Variants in ATXN7L1 observed in about 807,000 individuals in gnomAD.
ATXN7L1 encodes the protein ataxin 7 like 1.
ATXN7L1 carries 15 observed loss-of-function variants against 70.8 expected under a neutral mutation model. The ratio of observed to expected loss-of-function variants is 0.21; its 90% CI spans 0.14 to 0.33. The LOEUF is 0.33. Among genes scored for constraint, ATXN7L1 ranks in the 10% least tolerant of loss-of-function variants. The pLI is 1.00. For missense variants in ATXN7L1, 975 were observed against 1,097.1 expected (o/e 0.89, Z 1.57); for synonymous variants, 440 against 445.1 (o/e 0.99, Z 0.14).
chr7:105,861,517 C>T (rs886217984), intron 2 of ATXN7L1, among the ~76,000 whole-genome samples: 4 of 151,702 alleles, frequency 2.6e-5, no homozygotes, highest in Admixed American at 6.6e-5. Flanking sequence ...ATGGGGAAAA[C>T]GCACAGGCTC....
intron 3 of ATXN7L1, among the ~76,000 whole-genome samples, chr7:105,747,665 G>A (rs1263058704): frequency 6.6e-6 from 1 of 152,198 alleles, no homozygotes; most frequent in Non-Finnish European, 1.5e-5. Context: ...GTGGGACAGT[G>A]GGGGGACTGA....
intron 5 of ATXN7L1, among the ~76,000 whole-genome samples, chr7:105,640,594 T>A (rs577965859): frequency 1.3e-5 from 2 of 152,310 alleles, no homozygotes; most frequent in East Asian, 3.9e-4. Flanking sequence ...AGTGCAGTGG[T>A]GGGATCACAA....
Position 105,614,749 on chromosome 7 carries a change from C to A in ATXN7L1, c.1585G>T (p.Ala529Ser), listed in dbSNP as rs1283574585. The change falls in exon 10 of 12, where the codon GCA (alanine) becomes TCA (serine). Residue 529 changes from alanine to serine, a missense_variant. Around this residue, in one of 5 missense-constraint regions of ATXN7L1, gnomAD observed 635 missense variants for 699.4 expected, o/e 0.91. Transcript: ENST00000419735. This position sits in a 1 kb window ranked among gnomAD's most constrained non-coding sequence, Gnocchi z 4.3. ...PAAHITTPVP[A>S]SVLQPFSNPS... ...TTGCTGAAAGGCTGCAAAACGGATG[C>A]TGGAACGGGGGTGGTGATGTGGGCT... The A allele has an allele frequency of 6.4e-7, 1 of 1,551,520 alleles. No individual in the cohort carries two copies. The highest frequency in any genetic ancestry group is 8.7e-7 in the Non-Finnish European group (1 of 1,146,986).
chr7:105,759,364 C>G (rs1563070542), intron 3 of ATXN7L1, among the ~76,000 whole-genome samples: 1 of 151,574 alleles, frequency 6.6e-6, no homozygotes, highest in African/African-American at 2.4e-5. Flanking sequence ...AACAGACCAG[C>G]TTGATCAGGG....
chr7:105,698,419 C>T (rs1404805155), intron 3 of ATXN7L1, among the ~76,000 whole-genome samples: 1 of 152,192 alleles, frequency 6.6e-6, no homozygotes, highest in East Asian at 1.9e-4. Context: ...GGCTAGAGTG[C>T]TGTGGTGTGA....
At chr7:105,666,098 AGTG>A (rs2116073697) in intron 3 of ATXN7L1, among the ~76,000 whole-genome samples, 1 of 152,308 alleles carries the variant, frequency 6.6e-6, no homozygotes, top group Non-Finnish European at 1.5e-5. Context: ...GTAAAGTTCT[AGTG>A]TGCACCCGCT....
chr7:105,855,355 C>G lies in ATXN7L1; in HGVS notation c.250+20457G>C, dbSNP rs549861978. ...TGAGTGTGGCTATGTTCCAATAAAA[C>G]TTTATTAAAAACAGGCAGCCCATGG... On this transcript the variant is annotated intron_variant, in intron 2 of 11. Transcript: ENST00000419735. Among the ~76,000 whole-genome samples, 4 of 152,288 alleles carry G rather than the reference C, an allele frequency of 2.6e-5. No homozygotes were observed. In the South Asian group the frequency reaches 8.3e-4, roughly 32 times the overall value.
intron 3 of ATXN7L1, among the ~76,000 whole-genome samples, chr7:105,767,223 C>T (rs771785811): frequency 1.1e-4 from 17 of 152,066 alleles, no homozygotes; most frequent in East Asian, 3.9e-4. Context: ...CACTGGAATC[C>T]GCTTTTGGGG....
intron 2 of ATXN7L1, among the ~76,000 whole-genome samples, chr7:105,838,453 A>AT (rs1485804196): frequency 4.6e-5 from 7 of 152,248 alleles, no homozygotes; most frequent in Non-Finnish European, 1.0e-4. Flanking sequence ...ACTTGACATT[A>AT]TCCTTGGAAA....
At chr7:105,868,152 C>T (rs558617669) in intron 2 of ATXN7L1, among the ~76,000 whole-genome samples, 1 of 152,340 alleles carries the variant, frequency 6.6e-6, no homozygotes, top group South Asian at 2.1e-4. Context: ...CCTGTATCCT[C>T]CAGGTTTTAG....
intron 2 of ATXN7L1, among the ~76,000 whole-genome samples, chr7:105,827,300 C>T (rs1259749748): frequency 2.0e-5 from 3 of 152,188 alleles, no homozygotes; most frequent in Admixed American, 6.5e-5. Context: ...ATTCATTAAA[C>T]ATTTAAACCA....
intron 3 of ATXN7L1, among the ~76,000 whole-genome samples, chr7:105,770,532 T>C (rs1584961869): frequency 1.3e-5 from 2 of 152,210 alleles, no homozygotes; most frequent in East Asian, 3.9e-4. Context: ...CACATCTAAA[T>C]GACACAGTGA....
intron 2 of ATXN7L1, among the ~76,000 whole-genome samples, chr7:105,791,728 T>C (rs547969802): frequency 6.6e-6 from 1 of 152,348 alleles, no homozygotes; most frequent in South Asian, 2.1e-4. Flanking sequence ...ACATTTTATA[T>C]CCAGGAACAG....
intron 9 of ATXN7L1, among the ~76,000 whole-genome samples, chr7:105,617,306 G>A (rs1282903961): frequency 1.3e-5 from 2 of 152,228 alleles, no homozygotes; most frequent in Non-Finnish European, 1.5e-5. Flanking sequence ...TTACAGGCAT[G>A]AGCCACTGCA....
At chr7:105,776,433 GCTTC>G (rs1379398148) in intron 3 of ATXN7L1, among the ~76,000 whole-genome samples, 1 of 151,746 alleles carries the variant, frequency 6.6e-6, no homozygotes, top group African/African-American at 2.4e-5. Flanking sequence ...TTCCTTGCTG[GCTTC>G]CTTCCTTCTT....
intron 3 of ATXN7L1, among the ~76,000 whole-genome samples, chr7:105,773,585 G>T (rs948283318): frequency 1.3e-5 from 2 of 152,156 alleles, no homozygotes; most frequent in African/African-American, 4.8e-5. Context: ...GAGTGGGAAA[G>T]GCTAAACAGG....
At chr7:105,840,290 C>CCA (rs1260057334) in intron 2 of ATXN7L1, among the ~76,000 whole-genome samples, 1 of 152,148 alleles carries the variant, frequency 6.6e-6, no homozygotes, top group African/African-American at 2.4e-5. Context: ...CAGGCACTAA[C>CCA]CAGGAGAAAG....
chr7:105,645,674 G>T (rs895886370), intron 4 of ATXN7L1, among the ~76,000 whole-genome samples: 41 of 151,594 alleles, frequency 2.7e-4, no homozygotes, highest in African/African-American at 9.7e-4. Flanking sequence ...TTAGCCAGGC[G>T]TGGCAGCGGG....
intron 3 of ATXN7L1, among the ~76,000 whole-genome samples, chr7:105,771,248 A>G (rs1169436130): frequency 7.0e-6 from 1 of 141,990 alleles, no homozygotes; most frequent in Non-Finnish European, 1.5e-5. Context: ...ATACAGACCT[A>G]CTGAATTGAA....
Sources: gnomAD v4.1 joint callset for allele counts (sites outside exome capture counted in the v4.1 genomes callset) on GRCh38, gnomAD v4.1.1 for gene constraint, gnomAD v4.1.1 regional missense constraint, Gnocchi (gnomAD v3.1) non-coding constraint, MANE v1.5 for transcripts, NCBI Gene and HGNC (gene_info 2026-07-23, HGNC 2026-07-21) for gene names.